The following CDK14 variants were observed in gnomAD, a reference collection of about 807,000 sequenced individuals.
CDK14 encodes the protein cyclin-dependent kinase 14.
Under a neutral mutation model 60.7 loss-of-function variants are expected in CDK14, and 34 were observed. The ratio of observed to expected loss-of-function variants is 0.56; its 90% CI spans 0.43 to 0.75. The LOEUF (loss-of-function observed/expected upper bound fraction) is 0.75. CDK14 is among the 30% of genes least tolerant of loss of function. The pLI is 0.00. For missense variants in CDK14, 482 were observed against 564.1 expected, an observed-to-expected ratio of 0.85 and a Z score of 1.47; for synonymous variants, 197 against 203.7, an observed-to-expected ratio of 0.97 and a Z score of 0.28.
intron 7 of CDK14, among the ~76,000 whole-genome samples, chr7:90,905,533 A>G (rs965280131): frequency 4.6e-5 from 7 of 152,120 alleles, no homozygotes; most frequent in Non-Finnish European, 7.4e-5. Context: ...ACAAAACAAA[A>G]CAAAAAATAC....
At chr7:90,616,862 A>G (rs1200461018) in intron 2 of CDK14, among the ~76,000 whole-genome samples, 2 of 151,980 alleles carry the variant, frequency 1.3e-5, no homozygotes, top group South Asian at 4.1e-4. Flanking sequence ...ACCTTATTAT[A>G]TCATCATCAT....
At chr7:91,103,337 C>G (rs1157228667) in intron 12 of CDK14, among the ~76,000 whole-genome samples, 1 of 151,874 alleles carries the variant, frequency 6.6e-6, no homozygotes, top group Admixed American at 6.5e-5. Flanking sequence ...TTTTTTGCAC[C>G]ACCATTTTTG....
At chr7:90,949,701 T>A (rs1343353276) in intron 8 of CDK14, among the ~76,000 whole-genome samples, 1 of 152,246 alleles carries the variant, frequency 6.6e-6, no homozygotes, top group African/African-American at 2.4e-5. Context: ...ACTGAATGAA[T>A]CTAAACATTT....
At chr7:91,150,109 G>C (rs144310822) in intron 14 of CDK14, among the ~76,000 whole-genome samples, 1 of 152,250 alleles carries the variant, frequency 6.6e-6, no homozygotes, top group Non-Finnish European at 1.5e-5. Context: ...GGCAGAGTCT[G>C]TTGTGTTCAA....
chr7:91,074,052 T>G (rs1798228569), intron 11 of CDK14, among the ~76,000 whole-genome samples: 1 of 152,102 alleles, frequency 6.6e-6, no homozygotes, highest in East Asian at 1.9e-4. Context: ...AAAATAATAC[T>G]AGGAGACTTT....
intron 10 of CDK14, among the ~76,000 whole-genome samples, chr7:91,027,450 C>T (rs369515964): frequency 4.6e-5 from 7 of 152,250 alleles, no homozygotes; most frequent in African/African-American, 1.7e-4. Context: ...GCCATACTTC[C>T]TCGGAAGATG....
At chr7:90,752,892 A>G (rs1363789033) in intron 4 of CDK14, among the ~76,000 whole-genome samples, 1 of 152,194 alleles carries the variant, frequency 6.6e-6, no homozygotes, top group African/African-American at 2.4e-5. Context: ...TAGAAAATCT[A>G]GAGGAAATTG....
chr7:90,899,292 A>T lies in CDK14; in HGVS notation c.641A>T (p.His214Leu). ...TACATTTTTCCTTTTCTTTTCTAGC[A>T]CACTGATTTATGTCAGTACATGGAC... The part of the protein sequence containing the change: ...ETLTLVFEYV[H>L]TDLCQYMDKH... Residue 214 changes from histidine (H) to leucine (L), a missense_variant and splice_region_variant, in exon 7 of 15, where the codon CAC (histidine) becomes CTC (leucine). By Grantham distance (99) the His-to-Leu change is moderately conservative. Coordinates refer to ENST00000380050, the MANE Select transcript of CDK14 (RefSeq NM_001287135.2). The T allele has an allele frequency of 6.2e-7, 1 of 1,600,042 alleles. No homozygotes were observed. The highest frequency in any genetic ancestry group is 1.1e-5 in the South Asian group (1 of 88,324).
chr7:91,132,468 G>C (rs545237214), intron 14 of CDK14, among the ~76,000 whole-genome samples: 1 of 152,194 alleles, frequency 6.6e-6, no homozygotes, highest in Non-Finnish European at 1.5e-5. Context: ...TGAAGAGTTT[G>C]GATTTTCATG....
chr7:91,072,336 C>T (rs1798172510), intron 11 of CDK14, among the ~76,000 whole-genome samples: 1 of 152,158 alleles, frequency 6.6e-6, no homozygotes, highest in Admixed American at 6.5e-5. Context: ...TTGCCGTTCT[C>T]CAGCCTCCTC....
At chr7:90,953,479 A>T (rs1004956985) in intron 8 of CDK14, among the ~76,000 whole-genome samples, 1 of 152,192 alleles carries the variant, frequency 6.6e-6, no homozygotes, top group Non-Finnish European at 1.5e-5. Context: ...AGTTTCCAAA[A>T]ATATTTAACC....
chr7:90,734,528 AATCTT>A (rs1185233408), intron 3 of CDK14, among the ~76,000 whole-genome samples: 2 of 151,436 alleles, frequency 1.3e-5, no homozygotes, highest in Non-Finnish European at 2.9e-5. Flanking sequence ...TTTTTTCTCT[AATCTT>A]ATCTTCTTGT....
intron 4 of CDK14, among the ~76,000 whole-genome samples, chr7:90,765,186 G>A (rs1182168173): frequency 6.6e-6 from 1 of 152,170 alleles, no homozygotes; most frequent in Non-Finnish European, 1.5e-5. Context: ...GAGTCCCAAA[G>A]GAAGCCAGAT....
intron 2 of CDK14, among the ~76,000 whole-genome samples, chr7:90,651,736 T>A (rs953945447): frequency 6.6e-6 from 1 of 151,982 alleles, no homozygotes; most frequent in Non-Finnish European, 1.5e-5. Context: ...TGTTCAAATG[T>A]TTAGTGATTT....
chr7:90,698,091 A>G (rs1801703375), intron 2 of CDK14, among the ~76,000 whole-genome samples: 1 of 141,652 alleles, frequency 7.1e-6, no homozygotes, highest in Admixed American at 7.1e-5. Context: ...AAAAAAAAAG[A>G]AAAAGAAAAA....
At chr7:90,659,377 T>C (rs1800815719) in intron 2 of CDK14, among the ~76,000 whole-genome samples, 1 of 152,110 alleles carries the variant, frequency 6.6e-6, no homozygotes, top group Non-Finnish European at 1.5e-5. Context: ...CCCCAAAGGG[T>C]TAGATTATAT....
rs1238141393 is a variant in CDK14 at position 90,863,526 on chromosome 7, A to G, written c.639+257A>G. 4.6e-5 allele frequency among the ~76,000 whole-genome samples: 7 copies of G among 152,170 alleles called. No homozygotes were observed. The East Asian group carries it at 1.2e-3, about 25-fold the overall frequency. The stretch of plus-strand genomic sequence containing the variant: ...ATCTATTTATAACCTATTTGTTACT[A>G]GGATACATTGTAATTTTTAGGTTTA... On this transcript the variant is annotated intron_variant, in intron 6 of 14. Transcript: ENST00000380050.
At chr7:90,981,614 C>A (rs74411158) in intron 9 of CDK14, among the ~76,000 whole-genome samples, 2 of 152,110 alleles carry the variant, frequency 1.3e-5, no homozygotes, top group East Asian at 3.9e-4. Flanking sequence ...TGGTCTTAAC[C>A]CCTAGGTTTA....
intron 14 of CDK14, among the ~76,000 whole-genome samples, chr7:91,125,691 A>G (rs2116405769): frequency 6.6e-6 from 1 of 152,320 alleles, no homozygotes; most frequent in African/African-American, 2.4e-5. Context: ...AAAAAAATAC[A>G]AAAGTTAGAG....
Sources: allele counts gnomAD v4.1 joint callset (sites outside exome capture counted in the v4.1 genomes callset), GRCh38; gene constraint gnomAD v4.1.1; transcripts MANE v1.5; gene names NCBI Gene and HGNC (gene_info 2026-07-23, HGNC 2026-07-21).